The following GABPB1 variants were observed in gnomAD, a reference collection of about 807,000 sequenced individuals.
GABPB1 encodes the protein GA-binding protein subunit beta-1.
In GABPB1, 15 loss-of-function variants were observed where a neutral mutation model predicts 45.9. The ratio of observed to expected loss-of-function variants is 0.33; its 90% CI spans 0.22 to 0.50. GABPB1 has a LOEUF of 0.50. Among genes scored for constraint, GABPB1 ranks in the 20% least tolerant of loss-of-function variants. The pLI is 0.98. For missense variants in GABPB1, 252 were observed against 457.5 expected (o/e 0.55, Z 4.10); for synonymous variants, 143 against 154.4 (o/e 0.93, Z 0.55).
At chr15:50,281,293 C>G (rs1292932363) in intron 8 of GABPB1, among the ~76,000 whole-genome samples, 4 of 152,172 alleles carry the variant, frequency 2.6e-5, no homozygotes, top group South Asian at 2.1e-4. Context: ...CTCACTGCAA[C>G]CTCCACCTCC....
At chr15:50,318,869 T>G (rs949883543) in intron 1 of GABPB1, among the ~76,000 whole-genome samples, 4 of 152,214 alleles carry the variant, frequency 2.6e-5, no homozygotes, top group African/African-American at 9.7e-5. Flanking sequence ...TCTTGTACAG[T>G]TTTTCCTTTA....
chr15:50,303,061 T>C lies in GABPB1; in HGVS notation c.339A>G (p.Glu113=), dbSNP rs1190606215. The C allele has an allele frequency of 4.3e-6, 7 of 1,613,966 alleles. No homozygotes were observed. Among genetic ancestry groups the C allele is most frequent in the Non-Finnish European group, 5.9e-6 (7 of 1,179,970 alleles). Residue 113 remains glutamate, a synonymous_variant, in exon 4 of 9, where the codon GAA becomes GAG. Coordinates refer to ENST00000380877, the MANE Select transcript of GABPB1 (RefSeq NM_016654.5). ...LKMTALHWAT[E]HNHQEVVELL... is the part of the protein sequence containing the mutation. ...GTTCCACCACCTCTTGATGATTGTG[T>C]TCTGTGGCCCAATGGAGAGCTGTCA...
intron 3 of GABPB1, 105 bp from the exon 4 acceptor site, chr15:50,303,228 AGT>A: frequency 2.3e-6 from 2 of 870,978 alleles, no homozygotes; most frequent in Non-Finnish European, 3.5e-6. Flanking sequence ...CAAATAATGT[AGT>A]CAATTATTTA....
At chr15:50,285,550 G>C (rs2046124457) in intron 8 of GABPB1, among the ~76,000 whole-genome samples, 1 of 152,116 alleles carries the variant, frequency 6.6e-6, no homozygotes, top group African/African-American at 2.4e-5. Context: ...ATTACTTTGG[G>C]AGAGGGGAAA....
chr15:50,298,057 G>A (rs74405876), intron 6 of GABPB1, among the ~76,000 whole-genome samples: 4 of 152,104 alleles, frequency 2.6e-5, no homozygotes, highest in African/African-American at 4.8e-5. Flanking sequence ...AAGAAAAGCC[G>A]TTTTACTTTC....
Position 50,276,275 on chromosome 15 carries a change from T to C in GABPB1, c.*2357A>G, listed in dbSNP as rs1369947951. 1 of 152,236 alleles carries C rather than the reference T, an allele frequency of 6.6e-6. No homozygotes were observed. Among genetic ancestry groups the C allele is most frequent in the Non-Finnish European group, 1.5e-5 (1 of 68,036 alleles). 9.4% of individuals were successfully genotyped at this position (152,236 alleles called of 1,614,324 possible). ...TTTAAATCCTCTGTTCAGAGCACTA[T>C]TGAGAATGACTAGAATGCAAAGCTT... On this transcript the variant is annotated 3_prime_UTR_variant, in exon 9 of 9. Coordinates refer to ENST00000380877, the MANE Select transcript of GABPB1 (RefSeq NM_016654.5).
At chr15:50,298,153 G>A (rs1009605507) in intron 6 of GABPB1, among the ~76,000 whole-genome samples, 3 of 152,032 alleles carry the variant, frequency 2.0e-5, no homozygotes, top group African/African-American at 4.8e-5. Flanking sequence ...GTATAGTGGC[G>A]CGATCACAGC....
chr15:50,317,741 C>A (rs1434294690), intron 1 of GABPB1, among the ~76,000 whole-genome samples: 1 of 151,902 alleles, frequency 6.6e-6, no homozygotes, highest in Non-Finnish European at 1.5e-5. Context: ...AACCCCGTCT[C>A]TACTGAAAAT....
rs201847767 is a variant in GABPB1 at position 50,337,720 on chromosome 15, T to C, written c.-1+17265A>G. On this transcript the variant is annotated intron_variant, in intron 1 of 8. Transcript: ENST00000380877. ...AGTAGAGGCCTGCAGTGAGCTGAGA[T>C]TGCCCCACTGCACTCCAGCCTGGGT... Among the ~76,000 whole-genome samples the C allele has an allele frequency of 1.2e-4, 18 of 152,188 alleles. 1 individual carries two copies. In the East Asian group the frequency reaches 2.9e-3, roughly 24 times the overall value.
intron 1 of GABPB1, among the ~76,000 whole-genome samples, chr15:50,323,747 T>G (rs919797323): frequency 1.3e-5 from 2 of 152,080 alleles, no homozygotes; most frequent in Admixed American, 6.6e-5. Flanking sequence ...CTTCCTGTAG[T>G]CCCAGCTACA....
intron 8 of GABPB1, 102 bp downstream of exon 8, chr15:50,285,966 C>T: frequency 6.7e-7 from 1 of 1,492,638 alleles, no homozygotes; most frequent in Non-Finnish European, 8.9e-7. Context: ...CACTTTCATT[C>T]TGTATCAAAA....
At chr15:50,298,760 T>C (rs2046614596) in intron 6 of GABPB1, among the ~76,000 whole-genome samples, 2 of 152,104 alleles carry the variant, frequency 1.3e-5, no homozygotes, top group Admixed American at 1.3e-4. Context: ...GAGACCAGCT[T>C]GGCCAACATG....
intron 8 of GABPB1, chr15:50,285,859 A>T: frequency 7.4e-7 from 1 of 1,349,518 alleles, no homozygotes; most frequent in South Asian, 2.0e-5. Flanking sequence ...GACTGTTATA[A>T]ACAAATTCTT....
chr15:50,281,385 G>C (rs990240908), intron 8 of GABPB1, among the ~76,000 whole-genome samples: 5 of 150,518 alleles, frequency 3.3e-5, no homozygotes, highest in Admixed American at 2.7e-4. Context: ...CTAATTTTTT[G>C]TATTTTTAGT....
At chr15:50,319,839 AAAAT>A (rs3076983) in intron 1 of GABPB1, among the ~76,000 whole-genome samples, 18 of 151,326 alleles carry the variant, frequency 1.2e-4, no homozygotes, top group African/African-American at 4.1e-4. Flanking sequence ...CTCCGTCTCA[AAAAT>A]AAATAAATAA....
intron 2 of GABPB1, among the ~76,000 whole-genome samples, chr15:50,307,979 A>G (rs1017398935): frequency 3.3e-5 from 5 of 150,884 alleles, no homozygotes; most frequent in Non-Finnish European, 5.9e-5. Flanking sequence ...TTTTCTATCT[A>G]TTTTTATCTG....
intron 1 of GABPB1, chr15:50,354,722 C>A (rs1428191620): frequency 3.2e-6 from 1 of 314,844 alleles, no homozygotes; most frequent in Non-Finnish European, 6.0e-6. Flanking sequence ...GGGGCGGCGG[C>A]CGCCACCATG....
At chr15:50,289,437 T>TAAA (rs11352059) in intron 7 of GABPB1, 46 bp downstream of exon 7, 363 of 1,070,590 alleles carry the variant, frequency 3.4e-4, no homozygotes, top group Middle Eastern at 4.9e-4. Flanking sequence ...AAATAAAAAT[T>TAAA]AAAAAAAAAA....
At chr15:50,298,137 G>A (rs28416361) in intron 6 of GABPB1, among the ~76,000 whole-genome samples, 3 of 152,014 alleles carry the variant, frequency 2.0e-5, no homozygotes, top group South Asian at 2.1e-4. Context: ...TGTCACCCAC[G>A]CTGGAGTATA....
Sources: allele counts gnomAD v4.1 joint callset (sites outside exome capture counted in the v4.1 genomes callset), GRCh38; gene constraint gnomAD v4.1.1; transcripts MANE v1.5; gene names NCBI Gene and HGNC (gene_info 2026-07-23, HGNC 2026-07-21).